CTNNA3: variants seen among roughly 807,000 people sequenced by gnomAD.
CTNNA3 encodes the protein catenin alpha-3.
Under a neutral mutation model 95.7 loss-of-function variants are expected in CTNNA3, and 76 were observed. The ratio of observed to expected loss-of-function variants is 0.79; its 90% CI spans 0.66 to 0.96. The LOEUF is 0.96. Ranked by LOEUF, CTNNA3 falls within the 40% of genes least tolerant of loss-of-function variation. CTNNA3 has a pLI of 0.00. For synonymous variants in CTNNA3, 431 were observed against 374.4 expected, an observed-to-expected ratio of 1.15 and a Z score of -1.74; for missense variants, 1,191 against 1,089.8, an observed-to-expected ratio of 1.09 and a Z score of -1.31.
At chr10:66,372,533 A>T (rs149743043) in intron 12 of CTNNA3, among the ~76,000 whole-genome samples, 1 of 152,184 alleles carries the variant, frequency 6.6e-6, no homozygotes, top group South Asian at 2.1e-4. Flanking sequence ...ATGCCAATTC[A>T]TCTCCACTGT....
intron 11 of CTNNA3, among the ~76,000 whole-genome samples, chr10:66,447,311 T>C (rs1259762790): frequency 1.3e-5 from 2 of 151,704 alleles, no homozygotes; most frequent in Admixed American, 6.6e-5. Context: ...CTTCACAGAA[T>C]TGGAAAAAAC....
At position 66,986,934 on chromosome 10, in the gene CTNNA3, T is replaced by C. The variant is rs566280050; in HGVS notation, c.1047+193383A>G. ...ATCACTGTCTTCATGAAGTTTATAT[T>C]TGAATAAGGAGTCAAGGTCACATCG... is the stretch of plus-strand genomic sequence containing the variant. On this transcript the variant is annotated intron_variant, in intron 7 of 17. Transcript: ENST00000433211. 9.2e-5 allele frequency among the ~76,000 whole-genome samples: 14 copies of C among 152,184 alleles called. No individual in the cohort carries two copies. In the South Asian group the frequency reaches 2.9e-3, roughly 32 times the overall value.
chr10:67,609,177 G>T (rs1843377998), intron 2 of CTNNA3, among the ~76,000 whole-genome samples: 1 of 148,174 alleles, frequency 6.7e-6, no homozygotes, highest in Non-Finnish European at 1.5e-5. Context: ...TATAAACAAA[G>T]CTTTAAAATC....
chr10:66,833,512 G>A (rs1240483682), intron 7 of CTNNA3, among the ~76,000 whole-genome samples: 1 of 152,136 alleles, frequency 6.6e-6, no homozygotes, highest in Admixed American at 6.5e-5. Flanking sequence ...CTGAAACTCA[G>A]AGAAAGTAAA....
chr10:67,728,315 T>C (rs1841255648), intron 1 of CTNNA3, among the ~76,000 whole-genome samples: 2 of 148,862 alleles, frequency 1.3e-5, no homozygotes, highest in African/African-American at 2.5e-5. Flanking sequence ...TAGCCAGGCA[T>C]GATGGTGGGT....
intron 11 of CTNNA3, among the ~76,000 whole-genome samples, chr10:66,424,225 CTTTG>C (rs1452915585): frequency 2.0e-5 from 3 of 151,912 alleles, no homozygotes; most frequent in Admixed American, 6.6e-5. Flanking sequence ...CCTGCAAGGG[CTTTG>C]TTTATTTTAC....
At chr10:66,273,243 C>A (rs1247226103) in intron 13 of CTNNA3, among the ~76,000 whole-genome samples, 2 of 152,040 alleles carry the variant, frequency 1.3e-5, no homozygotes, top group Non-Finnish European at 1.5e-5. Context: ...TACTTGAACA[C>A]AAGAACTGCA....
chr10:66,249,924 GA>G, intron 13 of CTNNA3, among the ~76,000 whole-genome samples: 1 of 152,238 alleles, frequency 6.6e-6, no homozygotes, highest in East Asian at 1.9e-4. Context: ...TGGAAATCAG[GA>G]TGTTAAAGTG....
intron 1 of CTNNA3, among the ~76,000 whole-genome samples, chr10:67,761,875 C>CA (rs56264829): frequency 0.31 from 41,194 of 132,408 alleles, 6,140 homozygotes; most frequent in East Asian, 0.53. Flanking sequence ...AAGACTCCGT[C>CA]AAAAAAAAAA....
At chr10:67,702,115 G>C (rs914915050) in intron 1 of CTNNA3, among the ~76,000 whole-genome samples, 1 of 152,178 alleles carries the variant, frequency 6.6e-6, no homozygotes, top group African/African-American at 2.4e-5. Flanking sequence ...GGAGCACCCA[G>C]ATTCATAAAG....
At chr10:67,679,564 A>G (rs933494942) in intron 1 of CTNNA3, among the ~76,000 whole-genome samples, 1 of 152,210 alleles carries the variant, frequency 6.6e-6, no homozygotes, top group East Asian at 1.9e-4. Context: ...AAAGTATCAA[A>G]ATATTATTAA....
At chr10:66,693,460 G>GC (rs1201284012) in intron 9 of CTNNA3, among the ~76,000 whole-genome samples, 1 of 150,490 alleles carries the variant, frequency 6.6e-6, no homozygotes, top group Non-Finnish European at 1.5e-5. Context: ...GATTCATAAA[G>GC]CAAGTCCTGA....
intron 12 of CTNNA3, among the ~76,000 whole-genome samples, chr10:66,299,929 G>A (rs757691015): frequency 6.6e-6 from 1 of 152,024 alleles, no homozygotes; most frequent in Non-Finnish European, 1.5e-5. Context: ...GTCTCGCTCT[G>A]TTGCCCAGGC....
chr10:66,504,623 T>TA lies in CTNNA3; in HGVS notation c.1531+15993dup, dbSNP rs940141986. Among the ~76,000 whole-genome samples the TA allele has an allele frequency of 3.9e-5, 6 of 152,156 alleles. 1 individual carries two copies. Among genetic ancestry groups the TA allele is most frequent in the African/African-American group, 1.4e-4 (6 of 41,438 alleles). Reference sequence around the variant, plus strand: ...GTGTGGCAAGGAGAAAATTTCCCTGTAATCCTTCATCTAATCTATAAAATA... The same window carrying TA: ...GTGTGGCAAGGAGAAAATTTCCCTGTAAATCCTTCATCTAATCTATAAAATA... On this transcript the variant is annotated intron_variant, in intron 11 of 17. Coordinates refer to ENST00000433211, the MANE Select transcript of CTNNA3 (RefSeq NM_013266.4).
At chr10:66,861,568 G>T (rs1303531852) in intron 7 of CTNNA3, among the ~76,000 whole-genome samples, 1 of 152,074 alleles carries the variant, frequency 6.6e-6, no homozygotes, top group Admixed American at 6.5e-5. Flanking sequence ...TGAAAAATGA[G>T]TAAATGAATG....
At chr10:67,627,313 C>G (rs1838991608) in intron 2 of CTNNA3, among the ~76,000 whole-genome samples, 1 of 152,098 alleles carries the variant, frequency 6.6e-6, no homozygotes, top group Non-Finnish European at 1.5e-5. Flanking sequence ...CAGGTCCTAC[C>G]CTTCGTAGTC....
At chr10:67,628,707 G>T (rs1183927050) in intron 2 of CTNNA3, among the ~76,000 whole-genome samples, 2 of 151,994 alleles carry the variant, frequency 1.3e-5, no homozygotes, top group African/African-American at 4.8e-5. Flanking sequence ...CTTAAAATAT[G>T]ATATATCTTG....
chr10:66,933,048 G>A (rs531494304), intron 7 of CTNNA3, among the ~76,000 whole-genome samples: 15 of 152,142 alleles, frequency 9.9e-5, no homozygotes, highest in African/African-American at 1.9e-4. Context: ...TTGGGAGGAC[G>A]AAATGTGAAA....
At chr10:67,704,314 A>G (rs936828845) in intron 1 of CTNNA3, among the ~76,000 whole-genome samples, 4 of 152,160 alleles carry the variant, frequency 2.6e-5, no homozygotes, top group African/African-American at 9.7e-5. Context: ...AGCCCGCATC[A>G]CCAAGTCAAT....
Sources: gnomAD v4.1 joint callset for allele counts (sites outside exome capture counted in the v4.1 genomes callset) on GRCh38, gnomAD v4.1.1 for gene constraint, MANE v1.5 for transcripts, NCBI Gene and HGNC (gene_info 2026-07-23, HGNC 2026-07-21) for gene names.